The following SEPTIN7 variants were observed in gnomAD, a reference collection of about 807,000 sequenced individuals.
SEPTIN7 encodes septin 7, also known as septin-7.
In SEPTIN7, 10 loss-of-function variants were observed where a neutral mutation model predicts 63.3. The observed-to-expected ratio is 0.16, with a 90% CI of 0.10 to 0.27. The LOEUF (loss-of-function observed/expected upper bound fraction) is 0.27. SEPTIN7 is among the 10% of genes least tolerant of loss of function. SEPTIN7 has a pLI of 1.00. For synonymous variants in SEPTIN7, 131 were observed against 165.3 expected (o/e 0.79, Z 1.59); for missense variants, 310 against 521.0 (o/e 0.59, Z 3.94).
At chr7:35,882,068 T>G (rs1257569378) in intron 7 of SEPTIN7, among the ~76,000 whole-genome samples, 2 of 152,034 alleles carry the variant, frequency 1.3e-5, no homozygotes, top group Non-Finnish European at 2.9e-5. Flanking sequence ...CTAAAAATTT[T>G]ACGTGAGTTT....
At chr7:35,814,327 G>A (rs1178009270) in intron 1 of SEPTIN7, among the ~76,000 whole-genome samples, 1 of 152,146 alleles carries the variant, frequency 6.6e-6, no homozygotes, top group South Asian at 2.1e-4. Context: ...TTATAGATTT[G>A]TAGAGATAAC....
intron 4 of SEPTIN7, among the ~76,000 whole-genome samples, chr7:35,864,392 T>A (rs1785683420): frequency 6.6e-6 from 1 of 152,156 alleles, no homozygotes; most frequent in Non-Finnish European, 1.5e-5. Context: ...TAGATCACAC[T>A]TTATAGAGCA....
At chr7:35,826,424 A>G (rs1288976461) in intron 1 of SEPTIN7, among the ~76,000 whole-genome samples, 3 of 150,450 alleles carry the variant, frequency 2.0e-5, no homozygotes, top group Non-Finnish European at 3.0e-5. Context: ...TTAAAATCCA[A>G]AGGGAGGCAG....
chr7:35,818,755 C>T (rs1411016706), intron 1 of SEPTIN7, among the ~76,000 whole-genome samples: 1 of 151,810 alleles, frequency 6.6e-6, no homozygotes, highest in Non-Finnish European at 1.5e-5. Context: ...GATCTGTTGT[C>T]AGCATGGAAT....
At chr7:35,883,331 T>C (rs1483397498) in intron 8 of SEPTIN7, among the ~76,000 whole-genome samples, 4 of 152,164 alleles carry the variant, frequency 2.6e-5, no homozygotes, top group South Asian at 2.1e-4. Context: ...GAAATTCTTA[T>C]ACATTGCCTG....
At chr7:35,810,425 G>T (rs1788616886) in intron 1 of SEPTIN7, among the ~76,000 whole-genome samples, 1 of 151,150 alleles carries the variant, frequency 6.6e-6, no homozygotes, top group Non-Finnish European at 1.5e-5. Flanking sequence ...CCACGTTAAC[G>T]CCATTCTTCT....
At chr7:35,829,226 C>G (rs1783693479) in intron 1 of SEPTIN7, among the ~76,000 whole-genome samples, 1 of 149,594 alleles carries the variant, frequency 6.7e-6, no homozygotes, top group South Asian at 2.1e-4. Flanking sequence ...GCTTCCACCC[C>G]CTAGGCAGGT....
chr7:35,825,932 A>G (rs1783487693), intron 1 of SEPTIN7, among the ~76,000 whole-genome samples: 1 of 152,152 alleles, frequency 6.6e-6, no homozygotes, highest in South Asian at 2.1e-4. Context: ...GTCAGTACCC[A>G]GTTGTTCATA....
intron 3 of SEPTIN7, among the ~76,000 whole-genome samples, chr7:35,844,278 T>C (rs1272914488): frequency 6.6e-6 from 1 of 152,240 alleles, no homozygotes; most frequent in African/African-American, 2.4e-5. Flanking sequence ...TTTAGATTTA[T>C]GTGGTAACTT....
chr7:35,806,718 A>G (rs772101756), intron 1 of SEPTIN7, among the ~76,000 whole-genome samples: 1 of 152,192 alleles, frequency 6.6e-6, no homozygotes, highest in Non-Finnish European at 1.5e-5. Flanking sequence ...AACCACTGAT[A>G]AGATTTCTAA....
intron 12 of SEPTIN7, chr7:35,898,819 A>C (rs548921657): frequency 5.9e-5 from 9 of 152,654 alleles, no homozygotes; most frequent in Non-Finnish European, 1.2e-4. Flanking sequence ...ACCTTTATTG[A>C]ACTAAAGACA....
At chr7:35,910,759 C>G (rs528906592), downstream of SEPTIN7, among the ~76,000 whole-genome samples, 7 of 152,326 alleles carry the variant, frequency 4.6e-5, no homozygotes, top group East Asian at 1.3e-3. Context: ...TTATTAACTT[C>G]AAATTTTTTG....
chr7:35,886,724 C>T (rs1787272660), intron 10 of SEPTIN7, among the ~76,000 whole-genome samples: 1 of 152,086 alleles, frequency 6.6e-6, no homozygotes, highest in South Asian at 2.1e-4. Flanking sequence ...TACCCACTTT[C>T]CCAAAACATA....
intron 3 of SEPTIN7, among the ~76,000 whole-genome samples, chr7:35,858,338 A>G (rs1462293244): frequency 2.0e-5 from 3 of 152,012 alleles, no homozygotes; most frequent in Non-Finnish European, 4.4e-5. Flanking sequence ...CTTTTGAAGA[A>G]CCAACAATTG....
downstream of SEPTIN7, among the ~76,000 whole-genome samples, chr7:35,911,031 C>A (rs1485897590): frequency 6.6e-6 from 1 of 152,122 alleles, no homozygotes; most frequent in African/African-American, 2.4e-5. Context: ...ATCCTGAGGA[C>A]CCCCCTGGTT....
intron 3 of SEPTIN7, among the ~76,000 whole-genome samples, chr7:35,842,348 GA>G (rs35707107): frequency 0.013 from 1,800 of 143,576 alleles, 25 homozygotes; most frequent in African/African-American, 0.019. Flanking sequence ...CTTTGTTTTT[GA>G]AAAAAAAAAA....
chr7:35,896,632 AGAT>A (rs1787975771), intron 11 of SEPTIN7, among the ~76,000 whole-genome samples: 2 of 152,240 alleles, frequency 1.3e-5, no homozygotes, highest in African/African-American at 2.4e-5. Flanking sequence ...TAACAAAAAA[AGAT>A]GATATTTACA....
chr7:35,861,414 C>T (rs1583579614), intron 3 of SEPTIN7, among the ~76,000 whole-genome samples: 1 of 152,306 alleles, frequency 6.6e-6, no homozygotes, highest in South Asian at 2.1e-4. Context: ...TTCAGTTGCA[C>T]ACTGGCTGTG....
the SEPTIN7 span, among the ~76,000 whole-genome samples, chr7:35,915,123 G>A: frequency 6.6e-6 from 1 of 151,564 alleles, no homozygotes; most frequent in East Asian, 1.9e-4. Flanking sequence ...GTATACATGT[G>A]TATATATACA....
Sources: gnomAD v4.1 joint callset for allele counts (sites outside exome capture counted in the v4.1 genomes callset) on GRCh38, gnomAD v4.1.1 for gene constraint, MANE v1.5 for transcripts, NCBI Gene and HGNC (gene_info 2026-07-23, HGNC 2026-07-21) for gene names.